TMEM266: variants seen among roughly 807,000 people sequenced by gnomAD.
The protein encoded by TMEM266 is transmembrane protein 266, also known as Hv1 related protein 1.
In TMEM266, 33 loss-of-function variants were observed where a neutral mutation model predicts 50.5. That is an observed-to-expected ratio of 0.65 (90% confidence interval 0.50 to 0.87). TMEM266 has a LOEUF of 0.87. TMEM266 is among the 40% of genes least tolerant of loss of function. TMEM266 has a pLI of 0.00. For synonymous variants in TMEM266, 310 were observed against 292.3 expected (o/e 1.06, Z -0.62); for missense variants, 655 against 695.1 (o/e 0.94, Z 0.65).
chr15:76,067,524 T>G lies in TMEM266; in HGVS notation c.-97+7508T>G, dbSNP rs151131946. On this transcript the variant is annotated intron_variant, in intron 1 of 10. Transcript: ENST00000388942. ...CTGGTGTGGTGGCACATGCCTGTAC[T>G]CGGGAGGCTGAGGCAGGAGAATCAC... Among the ~76,000 whole-genome samples, 146 of 151,362 alleles carry G rather than the reference T, an allele frequency of 9.6e-4. 2 individuals carry two copies. The highest frequency in any genetic ancestry group is 3.3e-3 in the African/African-American group (138 of 41,200).
intron 8 of TMEM266, chr15:76,191,693 CGTT>C (rs2038572413): frequency 4.9e-6 from 2 of 407,762 alleles, no homozygotes; most frequent in East Asian, 4.4e-5. Flanking sequence ...AAAGGAAACA[CGTT>C]GTGTTTCCTC....
chr15:76,170,723 AG>A (rs2038173853), intron 6 of TMEM266, among the ~76,000 whole-genome samples: 1 of 152,140 alleles, frequency 6.6e-6, no homozygotes, highest in African/African-American at 2.4e-5. Flanking sequence ...TATCTTGAGA[AG>A]GGGCAAGACA....
Position 76,168,721 on chromosome 15 carries a change from A to T in TMEM266, c.457-1095A>T, listed in dbSNP as rs1311226740. Among the ~76,000 whole-genome samples the T allele has an allele frequency of 6.6e-6, 1 of 152,168 alleles. No individual in the cohort carries two copies. Among genetic ancestry groups the T allele is most frequent in the Non-Finnish European group, 1.5e-5 (1 of 68,016 alleles). Reference sequence around the variant, plus strand: ...GCCAGGTGTTAGGGATAAAAGAGAGACAGCAGACCAGGTCCCTTGAGCCTC... The same window carrying T: ...GCCAGGTGTTAGGGATAAAAGAGAGTCAGCAGACCAGGTCCCTTGAGCCTC... On this transcript the variant is annotated intron_variant, in intron 5 of 10. Transcript: ENST00000388942. This position sits in a 1 kb window ranked among gnomAD's most constrained non-coding sequence, Gnocchi z 4.4.
Position 76,186,151 on chromosome 15 carries a change from G to A in TMEM266, c.769-5817G>A, listed in dbSNP as rs370531626. 2.7e-3 allele frequency among the ~76,000 whole-genome samples: 415 copies of A among 152,286 alleles called. 2 individuals carry two copies. The highest frequency in any genetic ancestry group is 8.2e-3 in the African/African-American group (341 of 41,566). ...GTCTTGGGGGCTAGAAGCCAGGGGCGTGGGCTGTGGCCCCTGCTTTGCTTC... is the reference window on the plus strand; with the variant it reads ...GTCTTGGGGGCTAGAAGCCAGGGGCATGGGCTGTGGCCCCTGCTTTGCTTC... On this transcript the variant is annotated intron_variant, in intron 8 of 10. Transcript: ENST00000388942.
chr15:76,113,171 G>C (rs943425921), intron 1 of TMEM266: 1 of 152,180 alleles, frequency 6.6e-6, no homozygotes, highest in South Asian at 2.1e-4. Context: ...AAAATTAGCC[G>C]GGTGTGGTAG....
intron 5 of TMEM266, among the ~76,000 whole-genome samples, chr15:76,162,766 C>T (rs947657425): frequency 3.9e-5 from 6 of 152,298 alleles, no homozygotes; most frequent in African/African-American, 7.2e-5. Flanking sequence ...AAAGAAAGTC[C>T]GACCGAGTGA....
chr15:76,143,794 A>C (rs1280170560), intron 3 of TMEM266, among the ~76,000 whole-genome samples: 1 of 152,148 alleles, frequency 6.6e-6, no homozygotes, highest in Admixed American at 6.5e-5. Context: ...CTAATTTTAC[A>C]CACTGGGTAA....
intron 1 of TMEM266, among the ~76,000 whole-genome samples, chr15:76,083,147 G>A (rs534523692): frequency 4.3e-4 from 66 of 151,944 alleles, no homozygotes; most frequent in Admixed American, 1.0e-3. Context: ...CATGAGATTT[G>A]GAGAGGACAA....
intron 3 of TMEM266, among the ~76,000 whole-genome samples, chr15:76,147,885 C>T (rs1052948527): frequency 1.3e-5 from 2 of 152,130 alleles, no homozygotes; most frequent in African/African-American, 4.8e-5. Context: ...ATTAGCCAGG[C>T]GTGGTGGTGC....
intron 8 of TMEM266, among the ~76,000 whole-genome samples, chr15:76,183,023 C>G (rs560533616): frequency 1.0e-4 from 15 of 148,912 alleles, no homozygotes; most frequent in African/African-American, 3.7e-4. Flanking sequence ...TACTCCAATG[C>G]AGGTTGCAAT....
At chr15:76,201,127 C>T (rs574298760) in intron 9 of TMEM266, among the ~76,000 whole-genome samples, 2 of 152,228 alleles carry the variant, frequency 1.3e-5, no homozygotes, top group South Asian at 4.1e-4. Flanking sequence ...TCAGCCCTCC[C>T]ATGCTGAGGG....
intron 8 of TMEM266, among the ~76,000 whole-genome samples, chr15:76,183,685 C>A (rs2038454178): frequency 6.6e-6 from 1 of 152,218 alleles, no homozygotes; most frequent in South Asian, 2.1e-4. Context: ...ACATTCCCTA[C>A]CCTTTCCCCG....
chr15:76,088,359 A>G (rs2036802391), intron 1 of TMEM266, among the ~76,000 whole-genome samples: 2 of 152,204 alleles, frequency 1.3e-5, no homozygotes. Context: ...GAAACAGTAA[A>G]TAGAAAAGCA....
intron 1 of TMEM266, among the ~76,000 whole-genome samples, chr15:76,063,624 C>A (rs948251391): frequency 2.0e-5 from 3 of 152,168 alleles, no homozygotes; most frequent in African/African-American, 7.2e-5. Context: ...ATTCGTAGCA[C>A]CTCCTAGCCT....
intron 1 of TMEM266, among the ~76,000 whole-genome samples, chr15:76,094,989 C>T (rs552038466): frequency 5.3e-5 from 8 of 152,128 alleles, no homozygotes; most frequent in African/African-American, 1.9e-4. Flanking sequence ...GCTGAAGTTG[C>T]TTATCAGCTT....
At position 76,168,184 on chromosome 15, in the gene TMEM266, G is replaced by C. The variant is rs903961497; in HGVS notation, c.457-1632G>C. Among the ~76,000 whole-genome samples the C allele has an allele frequency of 6.6e-6, 1 of 151,918 alleles. No individual in the cohort carries two copies. Among genetic ancestry groups the C allele is most frequent in the Non-Finnish European group, 1.5e-5 (1 of 67,994 alleles). On this transcript the variant is annotated intron_variant, in intron 5 of 10. Transcript: ENST00000388942. This position sits in a 1 kb window ranked among gnomAD's most constrained non-coding sequence, Gnocchi z 4.4. Reference sequence around the variant, plus strand: ...TCTCCCCACCCCTGCAAGCTGTCTCGCAGTTAAGCGTGGGGCCACCCACCC... The same window carrying C: ...TCTCCCCACCCCTGCAAGCTGTCTCCCAGTTAAGCGTGGGGCCACCCACCC...
At chr15:76,180,554 G>C (rs1222786118) in intron 8 of TMEM266, among the ~76,000 whole-genome samples, 3 of 151,092 alleles carry the variant, frequency 2.0e-5, no homozygotes, top group Non-Finnish European at 4.4e-5. Context: ...GGCTGGGGCA[G>C]CGTGGGTCAG....
intron 1 of TMEM266, among the ~76,000 whole-genome samples, chr15:76,074,187 C>A (rs1346013739): frequency 2.5e-4 from 38 of 152,022 alleles, no homozygotes; most frequent in Non-Finnish European, 4.4e-5. Flanking sequence ...TATTATTCAC[C>A]TTTTGCACCT....
At position 76,192,078 on chromosome 15, in the gene TMEM266, C is replaced by A; in HGVS notation, c.879C>A (p.Arg293=). Reference sequence around the variant, plus strand: ...ACGTGCTCAGCCAGCCGCGCAGCCGCTTCAAAGTGTTGGAGGCCGGCACGT... The same window carrying A: ...ACGTGCTCAGCCAGCCGCGCAGCCGATTCAAAGTGTTGGAGGCCGGCACGT... The change falls in exon 9 of 11, where the codon CGC becomes CGA. Residue 293 remains arginine, a synonymous_variant. Coordinates refer to ENST00000388942, the MANE Select transcript of TMEM266 (RefSeq NM_152335.3). The A allele has an allele frequency of 6.8e-7, 1 of 1,472,580 alleles. No individual in the cohort carries two copies. The highest frequency in any genetic ancestry group is 2.8e-5 in the East Asian group (1 of 35,448). The allele number at this position is 1,472,580 out of a possible 1,614,324, so 91.2% of individuals were successfully genotyped here.
Sources: gnomAD v4.1 joint callset for allele counts (sites outside exome capture counted in the v4.1 genomes callset) on GRCh38, gnomAD v4.1.1 for gene constraint, Gnocchi (gnomAD v3.1) non-coding constraint, MANE v1.5 for transcripts, NCBI Gene and HGNC (gene_info 2026-07-23, HGNC 2026-07-21) for gene names.